The following CELF2 variants were observed in gnomAD, a reference collection of about 807,000 sequenced individuals.
CELF2 encodes CUG triplet repeat RNA-binding protein 2.
In CELF2, 8 loss-of-function variants were observed where a neutral mutation model predicts 62.6. The ratio of observed to expected loss-of-function variants is 0.13; its 90% confidence interval spans 0.07 to 0.23. The LOEUF (loss-of-function observed/expected upper bound fraction) is 0.23, where lower values mean the gene tolerates loss of function less well. Ranked by LOEUF, CELF2 falls within the 10% of genes least tolerant of loss-of-function variation. The pLI, the probability that CELF2 is intolerant of heterozygous loss-of-function variation, is 1.00. For missense variants in CELF2, 333 were observed against 671.0 expected (o/e 0.50, Z 5.56); for synonymous variants, 258 against 250.0 (o/e 1.03, Z -0.30).
At chr10:10,494,629 C>A in the CELF2 span, among the ~76,000 whole-genome samples, 1 of 152,078 alleles carries the variant, frequency 6.6e-6, no homozygotes, top group African/African-American at 2.4e-5. Flanking sequence ...TGTTAGACAC[C>A]CTCAGCATAA....
intron 2 of CELF2, among the ~76,000 whole-genome samples, chr10:10,948,593 C>T (rs1183380111): frequency 6.6e-6 from 1 of 152,126 alleles, no homozygotes; most frequent in Non-Finnish European, 1.5e-5. Flanking sequence ...TTTCAGGAGG[C>T]TTCAAGAATG....
the CELF2 span, among the ~76,000 whole-genome samples, chr10:10,751,333 T>A: frequency 6.6e-6 from 1 of 152,212 alleles, no homozygotes; most frequent in Non-Finnish European, 1.5e-5. Flanking sequence ...ACAGCTGACT[T>A]CAGTCTGGAG....
At chr10:11,240,880 T>C (rs1490862260) in intron 3 of CELF2, among the ~76,000 whole-genome samples, 1 of 152,204 alleles carries the variant, frequency 6.6e-6, no homozygotes. Flanking sequence ...ACTGTGTGGA[T>C]GCACATGACA....
chr10:10,869,608 T>C (rs909601708), intron 1 of CELF2, among the ~76,000 whole-genome samples: 5 of 152,066 alleles, frequency 3.3e-5, no homozygotes, highest in African/African-American at 9.7e-5. Flanking sequence ...CATATATATT[T>C]TAGGATAGGA....
chr10:10,737,324 G>C, the CELF2 span, among the ~76,000 whole-genome samples: 1 of 152,028 alleles, frequency 6.6e-6, no homozygotes, highest in Non-Finnish European at 1.5e-5. Flanking sequence ...CAAGTGTAAT[G>C]AACATCTTTG....
Position 11,009,779 on chromosome 10 carries a change from C to T in CELF2, c.53+4339C>T, listed in dbSNP as rs536475313. ...GAGAAAAATAAAAACTAGAATTTCC[C>T]TGCAAGACTATTTAGTTCCACAAAC... On this transcript the variant is annotated intron_variant, in intron 1 of 12. Transcript: ENST00000416382. Among the ~76,000 whole-genome samples, 4 of 152,312 alleles carry T rather than the reference C, an allele frequency of 2.6e-5. No individual in the cohort carries two copies. The South Asian group carries it at 6.2e-4, about 24-fold the overall frequency.
At chr10:10,725,789 CAT>C in the CELF2 span, among the ~76,000 whole-genome samples, 19 of 152,130 alleles carry the variant, frequency 1.2e-4, no homozygotes, top group African/African-American at 4.6e-4. Context: ...CCTGGTATAC[CAT>C]TCAGTGCTCC....
At chr10:10,802,968 T>C (rs2054821913) in intron 1 of CELF2, among the ~76,000 whole-genome samples, 1 of 152,186 alleles carries the variant, frequency 6.6e-6, no homozygotes, top group African/African-American at 2.4e-5. Context: ...CACAGTGATC[T>C]AGCCAGGTAC....
rs1372333320 is a variant in CELF2, at chr10:11,255,504, A to G, written c.404-2234A>G. The stretch of plus-strand genomic sequence containing the variant: ...TCCAGTCTCTCCAGACCCTTCGTCC[A>G]GCTTCAATTCCACATCCCCCAGCGA... On this transcript the variant is annotated intron_variant, in intron 4 of 12. Coordinates refer to ENST00000633077, the MANE Select transcript of CELF2 (RefSeq NM_001326342.2). This position sits in a 1 kb window ranked among gnomAD's most constrained non-coding sequence, Gnocchi z 5.5. 2.6e-5 allele frequency among the ~76,000 whole-genome samples: 4 copies of G among 152,210 alleles called. No homozygotes were observed. Among genetic ancestry groups the G allele is most frequent in the Admixed American group, 6.5e-5 (1 of 15,282 alleles).
chr10:10,872,143 A>C (rs1414832915), intron 1 of CELF2, among the ~76,000 whole-genome samples: 1 of 152,194 alleles, frequency 6.6e-6, no homozygotes, highest in Non-Finnish European at 1.5e-5. Flanking sequence ...GGGTATTTGC[A>C]AACTATGTAG....
intron 1 of CELF2, among the ~76,000 whole-genome samples, chr10:11,146,871 A>G (rs945316956): frequency 3.3e-5 from 5 of 152,230 alleles, no homozygotes; most frequent in African/African-American, 1.2e-4. Context: ...GGTGAAAAGT[A>G]AGGCAGCTCA....
intron 2 of CELF2, among the ~76,000 whole-genome samples, chr10:11,197,083 G>GAAAGAAGAAAGA (rs1554936937): frequency 0.023 from 2,616 of 114,780 alleles, 289 homozygotes; most frequent in African/African-American, 0.087. Context: ...AAGAAAGAAA[G>GAAAGAAGAAAGA]AAGAAAGAAA....
chr10:11,302,818 G>A lies in CELF2; in HGVS notation c.977-11321G>A, dbSNP rs1279845807. Among the ~76,000 whole-genome samples the A allele has an allele frequency of 6.6e-6, 1 of 152,288 alleles. No individual in the cohort carries two copies. The highest frequency in any genetic ancestry group is 1.9e-4 in the East Asian group (1 of 5,194). ...GATTTTCACATTGTTCCGCTGTGCT[G>A]CGGACAGTGGAAGTTGGAGCCTTCA... On this transcript the variant is annotated intron_variant, in intron 9 of 12. Coordinates refer to ENST00000633077, the MANE Select transcript of CELF2 (RefSeq NM_001326342.2). The surrounding 1 kb of genome is among the most constrained non-coding windows in gnomAD (Gnocchi z 5.0).
chr10:10,997,912 C>T lies in CELF2; in HGVS notation c.89+77913C>T, dbSNP rs2054131034. On this transcript the variant is annotated intron_variant, in intron 2 of 13. Coordinates refer to the CELF2 transcript ENST00000636488. This position sits in a 1 kb window ranked among gnomAD's most constrained non-coding sequence, Gnocchi z 5.3. ...AAATCTCACCTTGAATTGTAATAAT[C>T]CCCACGTGTCATGGGAGGGACCCGG... is the stretch of plus-strand genomic sequence containing the variant. 6.6e-6 allele frequency among the ~76,000 whole-genome samples: 1 copy of T among 152,130 alleles called. No homozygotes were observed. The highest frequency in any genetic ancestry group is 1.5e-5 in the Non-Finnish European group (1 of 68,024).
rs60798946 is a variant in CELF2 at position 11,280,989 on chromosome 10, CGTGTGTGTGT to C, written c.841+5892_841+5901del. Among the ~76,000 whole-genome samples, 1 of 144,400 alleles carries C rather than the reference CGTGTGTGTGT, an allele frequency of 6.9e-6. No individual in the cohort carries two copies. Among genetic ancestry groups the C allele is most frequent in the African/African-American group, 2.6e-5 (1 of 38,838 alleles). The allele number at this position is 144,400 out of a possible 152,430, so 94.7% of individuals were successfully genotyped here. ...TGGCGTGCGTGTGCATGCCTGTGTGCGTGTGTGTGTGTGTGTGTGTGTGTGTGTGTGTTCA... is the reference window on the plus strand; with the variant it reads ...TGGCGTGCGTGTGCATGCCTGTGTGCGTGTGTGTGTGTGTGTGTGTGTTCA... On this transcript the variant is annotated intron_variant, in intron 8 of 12. Transcript: ENST00000633077. This position sits in a 1 kb window ranked among gnomAD's most constrained non-coding sequence, Gnocchi z 7.6.
the CELF2 span, among the ~76,000 whole-genome samples, chr10:10,651,321 C>A: frequency 2.4e-4 from 35 of 148,424 alleles, no homozygotes; most frequent in Non-Finnish European, 4.2e-4. Flanking sequence ...CCCAGGCTTG[C>A]TTAGGTAAAC....
chr10:11,291,389 T>C (rs1327337890), intron 9 of CELF2, among the ~76,000 whole-genome samples: 2 of 152,172 alleles, frequency 1.3e-5, no homozygotes, highest in Non-Finnish European at 2.9e-5. Context: ...AGATTAAGTC[T>C]TAATTTTTGT....
chr10:10,954,485 A>T (rs2048688307), intron 2 of CELF2, among the ~76,000 whole-genome samples: 2 of 152,064 alleles, frequency 1.3e-5, no homozygotes, highest in African/African-American at 4.8e-5. Context: ...TGACCTTGTG[A>T]TCCGCCCACC....
At chr10:10,511,891 C>T in the CELF2 span, among the ~76,000 whole-genome samples, 1 of 152,176 alleles carries the variant, frequency 6.6e-6, no homozygotes, top group Non-Finnish European at 1.5e-5. Context: ...CATAGTCCCC[C>T]TTTTCAAATT....
Sources: gnomAD v4.1 joint callset for allele counts (sites outside exome capture counted in the v4.1 genomes callset) on GRCh38, gnomAD v4.1.1 for gene constraint, Gnocchi (gnomAD v3.1) non-coding constraint, MANE v1.5 for transcripts, NCBI Gene and HGNC (gene_info 2026-07-23, HGNC 2026-07-21) for gene names.